The following DKK2 variants were observed in gnomAD, a reference collection of about 807,000 sequenced individuals.
The protein encoded by DKK2 is dickkopf Wnt signaling pathway inhibitor 2, also known as dickkopf-related protein 2.
Under a neutral mutation model 28.1 loss-of-function variants are expected in DKK2, and 11 were observed. That is an observed-to-expected ratio of 0.39 (90% CI 0.25 to 0.65). DKK2 has a LOEUF of 0.65. Ranked by LOEUF, DKK2 falls within the 30% of genes least tolerant of loss-of-function variation. The probability of loss-of-function intolerance (pLI) is 0.47; values close to 1 mark genes in which losing one functional copy is unlikely to be tolerated. For synonymous variants in DKK2, 135 were observed against 126.5 expected (o/e 1.07, Z -0.45); for missense variants, 326 against 335.5 (o/e 0.97, Z 0.22).
chr4:107,005,691 T>C (rs373284830), intron 1 of DKK2, among the ~76,000 whole-genome samples: 27 of 152,342 alleles, frequency 1.8e-4, no homozygotes, highest in African/African-American at 5.3e-4. Flanking sequence ...GTCTCAAAGA[T>C]GTTTTTCAGT....
chr4:107,024,432 A>G (rs1723741886), intron 1 of DKK2, among the ~76,000 whole-genome samples: 1 of 152,232 alleles, frequency 6.6e-6, no homozygotes, highest in Non-Finnish European at 1.5e-5. Context: ...AACAAATCCA[A>G]GAAAATCAAA....
intron 1 of DKK2, among the ~76,000 whole-genome samples, chr4:107,014,815 C>T (rs1355232659): frequency 6.6e-6 from 1 of 150,594 alleles, no homozygotes; most frequent in African/African-American, 2.4e-5. Flanking sequence ...AAAATAGGTT[C>T]TACACACACA....
At chr4:106,983,981 A>G (rs1723077427) in intron 1 of DKK2, among the ~76,000 whole-genome samples, 1 of 152,176 alleles carries the variant, frequency 6.6e-6, no homozygotes. Context: ...GAGGATGCAG[A>G]ACAACTGGAT....
chr4:107,031,286 C>T (rs1723871231), intron 1 of DKK2, among the ~76,000 whole-genome samples: 1 of 151,712 alleles, frequency 6.6e-6, no homozygotes, highest in Admixed American at 6.6e-5. Context: ...GAAAGTTGGG[C>T]TGAGGTTAGA....
chr4:106,937,765 A>G (rs1342925161), intron 1 of DKK2, among the ~76,000 whole-genome samples: 61 of 147,782 alleles, frequency 4.1e-4, no homozygotes, highest in African/African-American at 1.5e-3. Flanking sequence ...ATAACAAACT[A>G]TCTCTCAGAC....
At position 107,004,012 on chromosome 4, in the gene DKK2, G is replaced by C. The variant is rs114441983; in HGVS notation, c.222+31358C>G. On this transcript the variant is annotated intron_variant, in intron 1 of 3. Transcript: ENST00000285311. ...AGCCAAAAATAGAATTGATGAAACA[G>C]TATGGTCCAACATCACTCATATTCA... Among the ~76,000 whole-genome samples, 658 of 152,284 alleles carry C rather than the reference G, an allele frequency of 4.3e-3. 5 individuals carry two copies. The highest frequency in any genetic ancestry group is 0.015 in the African/African-American group (637 of 41,536).
intron 1 of DKK2, among the ~76,000 whole-genome samples, chr4:106,978,916 A>C (rs1484086404): frequency 6.6e-6 from 1 of 152,062 alleles, no homozygotes; most frequent in African/African-American, 2.4e-5. Flanking sequence ...CTCCTAGTCT[A>C]CGGGTTGCGA....
chr4:106,922,761 A>C lies in DKK2; in HGVS notation c.*1193T>G, dbSNP rs1030174384. On this transcript the variant is annotated 3_prime_UTR_variant, in exon 4 of 4. Transcript: ENST00000285311. ...CACACTGAATTCATCTGCATAGTAA[A>C]TATTATGATAGCAAATCCCATGCAG... The C allele has an allele frequency of 6.6e-6, 1 of 152,186 alleles. No homozygotes were observed. Among genetic ancestry groups the C allele is most frequent in the African/African-American group, 2.4e-5 (1 of 41,464 alleles). The allele number at this position is 152,186 out of a possible 1,614,324, so 9.4% of individuals were successfully genotyped here.
intron 1 of DKK2, among the ~76,000 whole-genome samples, chr4:106,999,356 T>A (rs1244567933): frequency 2.0e-5 from 3 of 152,192 alleles, no homozygotes; most frequent in Admixed American, 6.5e-5. Context: ...AATATCTTTT[T>A]TTCTTTTTTT....
intron 1 of DKK2, among the ~76,000 whole-genome samples, chr4:106,956,567 G>A (rs1391948579): frequency 1.3e-5 from 2 of 152,104 alleles, no homozygotes; most frequent in Non-Finnish European, 2.9e-5. Context: ...TAGATCAATG[G>A]AACAGAACAG....
chr4:107,004,556 C>A (rs1245896345), intron 1 of DKK2, among the ~76,000 whole-genome samples: 1 of 152,156 alleles, frequency 6.6e-6, no homozygotes, highest in Non-Finnish European at 1.5e-5. Flanking sequence ...CTATGCAATT[C>A]TATAATTCTA....
chr4:107,000,658 A>ATATATGTATATGTATATGT (rs1372031137), intron 1 of DKK2, among the ~76,000 whole-genome samples: 1 of 152,176 alleles, frequency 6.6e-6, no homozygotes, highest in Non-Finnish European at 1.5e-5. Flanking sequence ...GCACTTTTGT[A>ATATATGTATATGTATATGT]ATATAGCATG....
At chr4:106,950,105 A>C (rs1724837158) in intron 1 of DKK2, among the ~76,000 whole-genome samples, 3 of 152,192 alleles carry the variant, frequency 2.0e-5, no homozygotes, top group African/African-American at 7.2e-5. Context: ...CAGTAGATAC[A>C]TATGTTTTGC....
intron 1 of DKK2, among the ~76,000 whole-genome samples, chr4:107,023,959 C>T (rs764491321): frequency 4.6e-5 from 7 of 152,102 alleles, no homozygotes; most frequent in African/African-American, 7.2e-5. Flanking sequence ...TTGTTTGATG[C>T]TTGTGTAACA....
At chr4:106,938,404 C>G (rs1434974195) in intron 1 of DKK2, among the ~76,000 whole-genome samples, 1 of 152,148 alleles carries the variant, frequency 6.6e-6, no homozygotes, top group African/African-American at 2.4e-5. Context: ...CTACACTCTC[C>G]CAAGACTAAA....
rs187730185 is a variant in DKK2, at chr4:106,923,934, A to G, written c.*20T>C. The G allele has an allele frequency of 2.5e-6, 4 of 1,609,316 alleles. No homozygotes were observed. In the East Asian group the frequency reaches 8.9e-5, roughly 36 times the overall value. ...TACACAACTTCACAGTCTGCAATTG[A>G]TGATGTTCCTCAATGGTGATCAAAT... On this transcript the variant is annotated 3_prime_UTR_variant, in exon 4 of 4. Coordinates refer to ENST00000285311, the MANE Select transcript of DKK2 (RefSeq NM_014421.3).
At chr4:106,937,174 A>G (rs908483648) in intron 1 of DKK2, among the ~76,000 whole-genome samples, 8 of 149,576 alleles carry the variant, frequency 5.3e-5, no homozygotes, top group African/African-American at 1.5e-4. Context: ...AGACTGGCAA[A>G]TTGGATAAAG....
chr4:107,011,240 ACAAT>A (rs1723512755), intron 1 of DKK2, among the ~76,000 whole-genome samples: 1 of 151,584 alleles, frequency 6.6e-6, no homozygotes, highest in African/African-American at 2.4e-5. Flanking sequence ...ATAATCTGTG[ACAAT>A]CAAACTCTTT....
chr4:106,942,343 A>G (rs1337025683), intron 1 of DKK2, among the ~76,000 whole-genome samples: 2 of 152,168 alleles, frequency 1.3e-5, no homozygotes, highest in Admixed American at 1.3e-4. Context: ...TTACCAGATA[A>G]AAAAATGAAA....
Sources: gnomAD v4.1 joint callset for allele counts (sites outside exome capture counted in the v4.1 genomes callset) on GRCh38, gnomAD v4.1.1 for gene constraint, MANE v1.5 for transcripts, NCBI Gene and HGNC (gene_info 2026-07-23, HGNC 2026-07-21) for gene names.